The following SCLT1 variants were observed in gnomAD, a reference collection of about 807,000 sequenced individuals.
The protein encoded by SCLT1 is sodium channel and clathrin linker 1.
In SCLT1, 78 loss-of-function variants were observed where a neutral mutation model predicts 112.8. That is an observed-to-expected ratio of 0.69 (90% CI 0.58 to 0.83). SCLT1 has a LOEUF of 0.83. Ranked by LOEUF, SCLT1 falls within the 40% of genes least tolerant of loss-of-function variation. The pLI is 0.00. For missense variants in SCLT1, 747 were observed against 770.4 expected, an observed-to-expected ratio of 0.97 and a Z score of 0.36; for synonymous variants, 257 against 254.7, an observed-to-expected ratio of 1.01 and a Z score of -0.09.
chr4:128,947,064 T>C (rs949645725), intron 15 of SCLT1, among the ~76,000 whole-genome samples: 2 of 152,202 alleles, frequency 1.3e-5, no homozygotes, highest in African/African-American at 2.4e-5. Context: ...TGTCACTCTC[T>C]ATAAAAACAT....
intron 18 of SCLT1, among the ~76,000 whole-genome samples, chr4:128,903,556 A>G (rs747049065): frequency 2.6e-5 from 4 of 152,128 alleles, no homozygotes; most frequent in Non-Finnish European, 1.5e-5. Context: ...GATAAAAACT[A>G]TTGGTATTTA....
At chr4:129,021,807 C>T (rs1158036670) in intron 5 of SCLT1, among the ~76,000 whole-genome samples, 10 of 152,222 alleles carry the variant, frequency 6.6e-5, no homozygotes, top group Non-Finnish European at 1.2e-4. Flanking sequence ...CCCAGCACAG[C>T]GCACCAGCTC....
intron 18 of SCLT1, among the ~76,000 whole-genome samples, chr4:128,912,061 C>T (rs139546498): frequency 3.9e-3 from 589 of 152,228 alleles, no homozygotes; most frequent in African/African-American, 0.013. Context: ...CTTTTGAAAG[C>T]GAGTAATAAC....
chr4:128,899,102 G>A (rs1734044199), intron 18 of SCLT1, among the ~76,000 whole-genome samples: 1 of 152,290 alleles, frequency 6.6e-6, no homozygotes, highest in East Asian at 1.9e-4. Flanking sequence ...GGTACAAGGA[G>A]GAGCTGGTAC....
intron 2 of SCLT1, among the ~76,000 whole-genome samples, chr4:129,055,508 C>T (rs1749277741): frequency 6.6e-6 from 1 of 152,168 alleles, no homozygotes; most frequent in Non-Finnish European, 1.5e-5. Context: ...GCATTCTGGC[C>T]ACAGCCTCTT....
In SCLT1 at chr4:128,959,747, T is replaced by C. The variant is rs138757017; in HGVS notation, c.900A>G (p.Gln300=). The change falls in exon 12 of 21, where the codon CAA becomes CAG. Residue 300 remains glutamine, a synonymous_variant. Coordinates refer to ENST00000281142, the MANE Select transcript of SCLT1 (RefSeq NM_144643.4). Reference sequence around the variant, plus strand: ...CCAGATGTGTATTTTCGGTTCTTAATTGGTTGGCTTCTTGGATTGTCACAC... The same window carrying C: ...CCAGATGTGTATTTTCGGTTCTTAACTGGTTGGCTTCTTGGATTGTCACAC... The part of the protein sequence containing the change: ...RLCVTIQEAN[Q]LRTENTHLEK... 342 of 1,613,520 alleles carry C rather than the reference T, an allele frequency of 2.1e-4. 1 individual carries two copies. The highest frequency in any genetic ancestry group is 1.7e-4 in the Middle Eastern group (1 of 6,054).
At chr4:128,961,351 C>T (rs1256203478) in intron 11 of SCLT1, among the ~76,000 whole-genome samples, 4 of 152,008 alleles carry the variant, frequency 2.6e-5, no homozygotes, top group Non-Finnish European at 4.4e-5. Context: ...CCTATTATCA[C>T]CCCCAAAATA....
chr4:128,981,873 T>C (rs759080590), intron 9 of SCLT1, among the ~76,000 whole-genome samples: 2 of 152,190 alleles, frequency 1.3e-5, no homozygotes, highest in African/African-American at 2.4e-5. Flanking sequence ...CTGAATAATT[T>C]GGATTATATC....
Position 129,093,071 on chromosome 4 carries a change from T to A in SCLT1, c.33A>T (p.Gln11His), listed in dbSNP as rs1753000095. The A allele has an allele frequency of 6.2e-7, 1 of 1,610,210 alleles. No individual in the cohort carries two copies. Among genetic ancestry groups the A allele is most frequent in the African/African-American group, 1.3e-5 (1 of 74,874 alleles). MAAEIDFLRE[Q>H]NRRLNEDFRR... ...GTCTCAAAAAAACATGGAGCTTACT[T>A]TGCTCTCTCAGAAAGTCGATTTCTG... The change falls in exon 1 of 21, where the codon CAA becomes CAT. Residue 11 changes from glutamine to histidine, a missense_variant and splice_region_variant. Gln to His is a conservative substitution (Grantham distance 24). Transcript: ENST00000281142.
At chr4:128,916,065 T>C (rs1427115340) in intron 18 of SCLT1, among the ~76,000 whole-genome samples, 1 of 152,260 alleles carries the variant, frequency 6.6e-6, no homozygotes, top group Admixed American at 6.5e-5. Context: ...TCTGCTTTTG[T>C]TTCTGGATCC....
At chr4:129,009,442 A>G (rs1199768778) in intron 5 of SCLT1, among the ~76,000 whole-genome samples, 2 of 151,210 alleles carry the variant, frequency 1.3e-5, no homozygotes, top group African/African-American at 4.9e-5. Flanking sequence ...TGAACCCAGG[A>G]GGCGGAGCTT....
At chr4:129,089,410 T>C (rs1457367939) in intron 1 of SCLT1, among the ~76,000 whole-genome samples, 2 of 152,210 alleles carry the variant, frequency 1.3e-5, no homozygotes, top group Admixed American at 1.3e-4. Context: ...TTTACACCGT[T>C]GGTGGGAGTG....
chr4:129,009,721 C>CT (rs950004947), intron 5 of SCLT1, among the ~76,000 whole-genome samples: 12 of 151,982 alleles, frequency 7.9e-5, no homozygotes, highest in African/African-American at 2.7e-4. Context: ...TTAAGTTGAG[C>CT]TTTTTTTCAT....
chr4:128,985,203 A>G (rs1391157234), intron 9 of SCLT1, among the ~76,000 whole-genome samples: 1 of 152,170 alleles, frequency 6.6e-6, no homozygotes, highest in Admixed American at 6.5e-5. Flanking sequence ...AAGTAAGGAT[A>G]TATCATTTCT....
chr4:129,028,064 G>A lies in SCLT1; in HGVS notation c.290+10977C>T, dbSNP rs1430574872. Among the ~76,000 whole-genome samples the A allele has an allele frequency of 7.9e-5, 12 of 152,224 alleles. No homozygotes were observed. In the East Asian group the frequency reaches 2.1e-3, roughly 27 times the overall value. ...ATGGAAGAACATTCCATGCTCATGG[G>A]CAGGAAGAATCAATATTGTGAAAAT... On this transcript the variant is annotated intron_variant, in intron 5 of 20. Transcript: ENST00000281142.
chr4:128,999,931 AGTTAT>A (rs1743327184), intron 6 of SCLT1, 137 bp from the exon 7 acceptor site: 1 of 443,756 alleles, frequency 2.3e-6, no homozygotes, highest in South Asian at 9.7e-5. Context: ...ATGGTATTAT[AGTTAT>A]ATTTTTGATA....
At chr4:129,023,095 C>A (rs1292401372) in intron 5 of SCLT1, among the ~76,000 whole-genome samples, 2 of 152,136 alleles carry the variant, frequency 1.3e-5, no homozygotes, top group African/African-American at 4.8e-5. Flanking sequence ...CAAGCAAATG[C>A]TGAGGTATTT....
At chr4:128,989,369 A>T (rs1005010079) in intron 9 of SCLT1, among the ~76,000 whole-genome samples, 2 of 151,896 alleles carry the variant, frequency 1.3e-5, no homozygotes, top group Non-Finnish European at 2.9e-5. Context: ...TACGCTCCTA[A>T]ATGACCATTG....
Position 129,082,322 on chromosome 4 carries a change from T to C in SCLT1, c.86A>G (p.Lys29Arg). The stretch of plus-strand genomic sequence containing the variant: ...TTTACATACCTGTACAGATGAATAT[T>C]TGGAAAAACTTTCCATTTGATACCG... ...FRRYQMESFS[K>R]YSSVQKAVCQ... Residue 29 changes from lysine (K) to arginine (R), a missense_variant, in exon 2 of 21, where the codon AAA (lysine) becomes AGA (arginine). By Grantham distance (26) the Lys-to-Arg change is conservative. Transcript: ENST00000281142. 6.4e-7 allele frequency: 1 copy of C among 1,569,050 alleles called. No individual in the cohort carries two copies. The highest frequency in any genetic ancestry group is 8.7e-7 in the Non-Finnish European group (1 of 1,144,108).
Sources: allele counts gnomAD v4.1 joint callset (sites outside exome capture counted in the v4.1 genomes callset), GRCh38; gene constraint gnomAD v4.1.1; transcripts MANE v1.5; gene names NCBI Gene and HGNC (gene_info 2026-07-23, HGNC 2026-07-21).